Variants in TP53BP1 observed in about 807,000 individuals in gnomAD.
TP53BP1 encodes tumor protein p53 binding protein 1.
TP53BP1 carries 61 observed loss-of-function variants against 200.8 expected under a neutral mutation model. That is an observed-to-expected ratio of 0.30 (90% CI 0.25 to 0.38). TP53BP1 has a LOEUF of 0.38. Ranked by LOEUF, TP53BP1 falls within the 10% of genes least tolerant of loss-of-function variation. The pLI, the probability that TP53BP1 is intolerant of heterozygous loss-of-function variation, is 1.00. For missense variants in TP53BP1, 2,144 were observed against 2,371.9 expected (o/e 0.90, Z 2.00); for synonymous variants, 822 against 844.3 (o/e 0.97, Z 0.46).
intron 17 of TP53BP1, among the ~76,000 whole-genome samples, chr15:43,429,209 TA>T (rs1162460733): frequency 6.6e-6 from 1 of 152,192 alleles, no homozygotes; most frequent in Non-Finnish European, 1.5e-5. Context: ...AATTAGGTCT[TA>T]AAGCCCTATT....
At chr15:43,435,894 C>G (rs891050218) in intron 16 of TP53BP1, among the ~76,000 whole-genome samples, 1 of 152,090 alleles carries the variant, frequency 6.6e-6, no homozygotes, top group African/African-American at 2.4e-5. Flanking sequence ...CAGCGTTTTA[C>G]CATGTTGGCC....
intron 1 of TP53BP1, among the ~76,000 whole-genome samples, chr15:43,507,354 C>T (rs1340694577): frequency 3.9e-5 from 6 of 152,204 alleles, no homozygotes; most frequent in African/African-American, 9.6e-5. Context: ...AGGCTGGTCT[C>T]GAACTCCTGA....
Position 43,420,653 on chromosome 15 carries a change from C to G in TP53BP1, c.4333G>C (p.Val1445Leu). 6.2e-7 allele frequency: 1 copy of G among 1,614,164 alleles called. No individual in the cohort carries two copies. The highest frequency in any genetic ancestry group is 8.5e-7 in the Non-Finnish European group (1 of 1,180,036). ...CTGGTGGAGTCTGGCACTCGGGGCA[C>G]GACACGGCTGAAGGATTTATCATCT... ...SPDDKSFSRV[V>L]PRVPDSTRRT... Residue 1445 changes from valine (V) to leucine (L), a missense_variant, in exon 21 of 28, where the codon GTG becomes CTG. Coordinates refer to ENST00000382044, the MANE Select transcript of TP53BP1 (RefSeq NM_001141980.3).
chr15:43,438,604 T>G (rs2045853723), intron 15 of TP53BP1, among the ~76,000 whole-genome samples, 188 bp from the exon 16 acceptor site: 1 of 151,948 alleles, frequency 6.6e-6, no homozygotes, highest in South Asian at 2.1e-4. Context: ...TCAAGGAAGA[T>G]TCACTGGAAA....
At chr15:43,445,367 T>C (rs1044315974) in intron 14 of TP53BP1, among the ~76,000 whole-genome samples, 4 of 152,290 alleles carry the variant, frequency 2.6e-5, no homozygotes, top group African/African-American at 7.2e-5. Flanking sequence ...CCCCTCCCCA[T>C]AGGCTTCCAT....
In TP53BP1 at chr15:43,403,635, G is replaced by T; in HGVS notation, c.*3748C>A. On this transcript the variant is annotated 3_prime_UTR_variant, in exon 28 of 28. Coordinates refer to ENST00000382044, the MANE Select transcript of TP53BP1 (RefSeq NM_001141980.3). ...TGTTCTCCTAACACTTTAACTTCAT[G>T]GATGTACCTTCCTTCCTTTCCTAAT... The T allele has an allele frequency of 1.5e-6, 2 of 1,355,492 alleles. No individual in the cohort carries two copies. The highest frequency in any genetic ancestry group is 2.4e-5 in the South Asian group (2 of 83,218). The allele number at this position is 1,355,492 out of a possible 1,614,324, so 84.0% of individuals were successfully genotyped here. A position where few individuals can be genotyped will look rare whatever the true frequency, so the allele number is the denominator to read the frequency against.
Position 43,403,548 on chromosome 15 carries a change from GC to G in TP53BP1, c.*3834del, listed in dbSNP as rs2044748196. The stretch of plus-strand genomic sequence containing the variant: ...GAGGGGCTGGCAGGCCTTGCACGTG[GC>G]AGTGTCTATCCTGTCAGATTTGGGA... On this transcript the variant is annotated 3_prime_UTR_variant, in exon 28 of 28. Coordinates refer to ENST00000382044, the MANE Select transcript of TP53BP1 (RefSeq NM_001141980.3). The G allele has an allele frequency of 4.4e-5, 29 of 652,874 alleles. No homozygotes were observed. In the South Asian group the frequency reaches 5.1e-4, roughly 11 times the overall value. The allele number at this position is 652,874 out of a possible 1,614,324, so 40.4% of individuals were successfully genotyped here.
intron 13 of TP53BP1, 106 bp from the exon 14 acceptor site, chr15:43,446,696 C>A (rs2046050132): frequency 1.3e-6 from 2 of 1,548,086 alleles, no homozygotes; most frequent in South Asian, 1.2e-5. Flanking sequence ...CACAGCTCTG[C>A]AGGATTGAAG....
At chr15:43,479,647 G>T (rs45561038) in intron 6 of TP53BP1, 121 bp from the exon 7 acceptor site, 14,391 of 1,203,546 alleles carry the variant, frequency 0.012, 645 homozygotes, top group African/African-American at 0.12. Context: ...ATATATACAG[G>T]CATCAGTCTA....
chr15:43,475,778 T>G, intron 8 of TP53BP1, 84 bp from the exon 9 acceptor site: 3 of 1,465,720 alleles, frequency 2.0e-6, no homozygotes, highest in Non-Finnish European at 2.8e-6. Flanking sequence ...AAGAGTAATA[T>G]CCATATTTCC....
intron 4 of TP53BP1, among the ~76,000 whole-genome samples, chr15:43,487,828 T>C (rs1227259915): frequency 1.3e-5 from 2 of 150,498 alleles, no homozygotes; most frequent in African/African-American, 4.9e-5. Context: ...TAAATGCTTA[T>C]AACAGCTTCT....
chr15:43,491,936 A>C, intron 3 of TP53BP1, 66 bp downstream of exon 3: 1 of 1,304,790 alleles, frequency 7.7e-7, no homozygotes, highest in Non-Finnish European at 1.1e-6. Context: ...TAAAGTTTAA[A>C]TCCACCCAGC....
At chr15:43,449,145 A>C (rs1280539015) in intron 12 of TP53BP1, among the ~76,000 whole-genome samples, 1 of 152,180 alleles carries the variant, frequency 6.6e-6, no homozygotes, top group African/African-American at 2.4e-5. Context: ...AAAACAAAAC[A>C]AAACAAAAAC....
upstream of TP53BP1, chr15:43,493,206 C>T (rs997793996): frequency 1.4e-6 from 2 of 1,458,584 alleles, no homozygotes; most frequent in Non-Finnish European, 1.8e-6. Flanking sequence ...TCGCTGCCGC[C>T]GCCCGCCACT....
At chr15:43,435,346 T>C (rs1396844394) in intron 16 of TP53BP1, among the ~76,000 whole-genome samples, 2 of 151,374 alleles carry the variant, frequency 1.3e-5, no homozygotes, top group Non-Finnish European at 2.9e-5. Context: ...TGTCTAACTA[T>C]TCTATTCTGA....
rs568041695 is a variant in TP53BP1, at chr15:43,456,471, G to C, written c.2137C>G (p.Pro713Ala). ...SQGLCLQKEM[P>A]KKECSEAMEV... ...ATAGCTTCTGAGCATTCTTTTTTTGGCATTTCCTTTTGAAGACACAACCCT... is the reference window on the plus strand; with the variant it reads ...ATAGCTTCTGAGCATTCTTTTTTTGCCATTTCCTTTTGAAGACACAACCCT... Residue 713 changes from proline to alanine, a missense_variant, in exon 12 of 28, where the codon CCA becomes GCA. This residue lies in a region of TP53BP1 where 1,700 missense variants were observed against 1,710.3 expected (regional missense o/e 0.99). Coordinates refer to ENST00000382044, the MANE Select transcript of TP53BP1 (RefSeq NM_001141980.3). 16 of 1,565,342 alleles carry C rather than the reference G, an allele frequency of 1.0e-5. No homozygotes were observed. The African/African-American group carries it at 1.4e-4, about 13-fold the overall frequency.
intron 14 of TP53BP1, among the ~76,000 whole-genome samples, chr15:43,444,849 C>A (rs1008136446): frequency 6.6e-6 from 1 of 152,164 alleles, no homozygotes; most frequent in South Asian, 2.1e-4. Context: ...TCAACTGTTT[C>A]CCCCAATTCC....
At chr15:43,424,664 G>A (rs933476199) in intron 18 of TP53BP1, among the ~76,000 whole-genome samples, 1 of 152,190 alleles carries the variant, frequency 6.6e-6, no homozygotes, top group African/African-American at 2.4e-5. Context: ...AAATGCTAAT[G>A]GTCATGTAAG....
chr15:43,438,531 A>C, intron 15 of TP53BP1, 115 bp from the exon 16 acceptor site: 1 of 782,694 alleles, frequency 1.3e-6, no homozygotes, highest in Non-Finnish European at 2.0e-6. Context: ...TCAAACTCCA[A>C]ACCACCTTAC....
Sources: allele counts gnomAD v4.1 joint callset (sites outside exome capture counted in the v4.1 genomes callset), GRCh38; gene constraint gnomAD v4.1.1; regional missense constraint gnomAD v4.1.1; transcripts MANE v1.5; gene names NCBI Gene and HGNC (gene_info 2026-07-23, HGNC 2026-07-21).